The following LARP1B variants were observed in gnomAD, a reference collection of about 807,000 sequenced individuals.
LARP1B encodes the protein La ribonucleoprotein 1B.
In LARP1B, 76 loss-of-function variants were observed where a neutral mutation model predicts 114.2. That is an observed-to-expected ratio of 0.67 (90% CI 0.55 to 0.81). LARP1B has a LOEUF of 0.81. Among genes scored for constraint, LARP1B ranks in the 30% least tolerant of loss-of-function variants. The pLI, the probability that LARP1B is intolerant of heterozygous loss-of-function variation, is 0.00. For synonymous variants in LARP1B, 345 were observed against 348.0 expected, an observed-to-expected ratio of 0.99 and a Z score of 0.10; for missense variants, 1,014 against 1,075.8, an observed-to-expected ratio of 0.94 and a Z score of 0.80.
intron 9 of LARP1B, among the ~76,000 whole-genome samples, chr4:128,113,335 T>G (rs1432968070): frequency 6.6e-6 from 1 of 151,728 alleles, no homozygotes; most frequent in Admixed American, 6.6e-5. Flanking sequence ...TTTTTTTCTT[T>G]TTCTTTTCTT....
intron 11 of LARP1B, among the ~76,000 whole-genome samples, chr4:128,150,343 A>G (rs1375265738): frequency 4.7e-5 from 7 of 147,974 alleles, no homozygotes; most frequent in Non-Finnish European, 1.0e-4. Flanking sequence ...CCTAGGCTGG[A>G]ATGCAGTGGT....
At chr4:128,122,501 C>T in intron 11 of LARP1B, 1 of 1,526,934 alleles carries the variant, frequency 6.5e-7, no homozygotes. Flanking sequence ...CTGAGAACGC[C>T]CTTTCTCGTA....
At chr4:128,068,154 A>G (rs927788269) in intron 1 of LARP1B, among the ~76,000 whole-genome samples, 1 of 152,160 alleles carries the variant, frequency 6.6e-6, no homozygotes, top group Non-Finnish European at 1.5e-5. Context: ...TGCTGGGATT[A>G]TAGGCGTGAG....
chr4:128,079,673 C>G (rs1769485378), intron 4 of LARP1B, among the ~76,000 whole-genome samples: 1 of 151,842 alleles, frequency 6.6e-6, no homozygotes, highest in Non-Finnish European at 1.5e-5. Flanking sequence ...AAGTGATCCT[C>G]CCACCTCAGC....
intron 5 of LARP1B, among the ~76,000 whole-genome samples, chr4:128,087,021 T>C (rs763573445): frequency 6.6e-5 from 10 of 152,072 alleles, no homozygotes; most frequent in Non-Finnish European, 1.0e-4. Context: ...TTGCCCAGGC[T>C]GGGTTCTCCT....
chr4:128,152,762 A>C (rs1258722492), intron 11 of LARP1B, among the ~76,000 whole-genome samples: 1 of 151,826 alleles, frequency 6.6e-6, no homozygotes, highest in Non-Finnish European at 1.5e-5. Context: ...TTTGATGTTC[A>C]GAATATCTCA....
chr4:128,194,464 C>T (rs1429816957), intron 15 of LARP1B, among the ~76,000 whole-genome samples: 1 of 151,000 alleles, frequency 6.6e-6, no homozygotes, highest in Non-Finnish European at 1.5e-5. Flanking sequence ...GGGCGGATCA[C>T]GAGGTCAGGA....
intron 7 of LARP1B, among the ~76,000 whole-genome samples, chr4:128,091,812 G>C (rs1313613362): frequency 6.6e-6 from 1 of 152,112 alleles, no homozygotes; most frequent in South Asian, 2.1e-4. Context: ...GACCAGGCTG[G>C]TATTGAACTC....
intron 11 of LARP1B, among the ~76,000 whole-genome samples, chr4:128,142,130 C>T (rs182520396): frequency 5.9e-5 from 9 of 152,302 alleles, no homozygotes; most frequent in Non-Finnish European, 4.4e-5. Flanking sequence ...TAGAGAAGTG[C>T]ACCAAGTTGA....
At chr4:128,133,237 TA>T (rs1373409113) in intron 11 of LARP1B, among the ~76,000 whole-genome samples, 5 of 152,180 alleles carry the variant, frequency 3.3e-5, no homozygotes, top group Admixed American at 1.3e-4. Flanking sequence ...TTGGAGGTGA[TA>T]AAAATGTTCT....
chr4:128,075,806 C>T (rs775797862), intron 3 of LARP1B, among the ~76,000 whole-genome samples: 1 of 152,038 alleles, frequency 6.6e-6, no homozygotes, highest in Non-Finnish European at 1.5e-5. Flanking sequence ...CTCAGCCTCC[C>T]AAAGTGCTGG....
chr4:128,093,228 C>G (rs1399774290), intron 7 of LARP1B, among the ~76,000 whole-genome samples: 2 of 152,050 alleles, frequency 1.3e-5, no homozygotes, highest in South Asian at 2.1e-4. Context: ...GTGCTTTTTA[C>G]TTTGTATTAT....
In LARP1B at chr4:128,206,828, T is replaced by C; in HGVS notation, c.2419+291T>C. The C allele has an allele frequency of 3.0e-6, 3 of 985,432 alleles. No individual in the cohort carries two copies. The South Asian group carries it at 1.4e-4, about 46-fold the overall frequency. The allele number at this position is 985,432 out of a possible 1,614,324, so 61.0% of individuals were successfully genotyped here. On this transcript the variant is annotated intron_variant, in intron 18 of 19. Transcript: ENST00000326639. Reference sequence around the variant, plus strand: ...GATGTTCCGTTACATGAAAATTCTATGCAACATCAGCAGGTAAGCTTGGAA... The same window carrying C: ...GATGTTCCGTTACATGAAAATTCTACGCAACATCAGCAGGTAAGCTTGGAA...
At chr4:128,202,604 TG>T (rs569335914) in intron 17 of LARP1B, among the ~76,000 whole-genome samples, 148 of 152,356 alleles carry the variant, frequency 9.7e-4, no homozygotes, top group South Asian at 3.1e-3. Context: ...AATTTCTGTT[TG>T]TTCCTTAAGA....
intron 5 of LARP1B, among the ~76,000 whole-genome samples, chr4:128,087,731 T>C (rs1166292175): frequency 6.6e-6 from 1 of 152,142 alleles, no homozygotes; most frequent in East Asian, 1.9e-4. Context: ...TATAAAACTT[T>C]AGCTAAATGC....
intron 11 of LARP1B, among the ~76,000 whole-genome samples, chr4:128,124,405 C>G (rs141197795): frequency 6.6e-5 from 10 of 152,096 alleles, no homozygotes; most frequent in Non-Finnish European, 5.9e-5. Flanking sequence ...GAAAAGGGAA[C>G]AGTAAATGTC....
At chr4:128,154,392 C>T (rs1391946015) in intron 11 of LARP1B, among the ~76,000 whole-genome samples, 2 of 152,084 alleles carry the variant, frequency 1.3e-5, no homozygotes, top group African/African-American at 4.8e-5. Context: ...ATGATTATTT[C>T]TCTGTTTTTC....
chr4:128,099,290 CTTTT>C (rs368079786), intron 8 of LARP1B, among the ~76,000 whole-genome samples: 1 of 137,236 alleles, frequency 7.3e-6, no homozygotes, highest in Admixed American at 7.4e-5. Flanking sequence ...TTTTTTCTTT[CTTTT>C]TTTTTTTTTT....
chr4:128,178,349 G>A, intron 13 of LARP1B, 82 bp from the exon 14 acceptor site: 3 of 971,578 alleles, frequency 3.1e-6, no homozygotes, highest in Non-Finnish European at 4.6e-6. Flanking sequence ...TTTGAGCTTA[G>A]AGAATTACAA....
Sources: gnomAD v4.1 joint callset for allele counts (sites outside exome capture counted in the v4.1 genomes callset) on GRCh38, gnomAD v4.1.1 for gene constraint, MANE v1.5 for transcripts, NCBI Gene and HGNC (gene_info 2026-07-23, HGNC 2026-07-21) for gene names.